The following ACTR3B variants were observed in gnomAD, a reference collection of about 807,000 sequenced individuals.
The protein encoded by ACTR3B is actin related protein 3B, also known as actin-related protein 3B.
Under a neutral mutation model 59.0 loss-of-function variants are expected in ACTR3B, and 8 were observed. That is an observed-to-expected ratio of 0.14 (90% CI 0.08 to 0.24). The LOEUF is 0.24. Among genes scored for constraint, ACTR3B ranks in the 10% least tolerant of loss-of-function variants. ACTR3B has a pLI of 1.00. For synonymous variants in ACTR3B, 148 were observed against 197.9 expected (o/e 0.75, Z 2.12); for missense variants, 245 against 552.3 (o/e 0.44, Z 5.58).
chr7:152,773,105 G>A (rs1371643138), intron 1 of ACTR3B, among the ~76,000 whole-genome samples: 1 of 151,232 alleles, frequency 6.6e-6, no homozygotes, highest in East Asian at 1.9e-4. Context: ...ATAGATTACA[G>A]AGTAAAAGGA....
At chr7:152,808,780 T>TA (rs751358923) in intron 4 of ACTR3B, among the ~76,000 whole-genome samples, 2 of 152,244 alleles carry the variant, frequency 1.3e-5, no homozygotes, top group African/African-American at 2.4e-5. Context: ...TGGGATGAGA[T>TA]ACAATATTGG....
At chr7:152,804,062 T>C (rs1055547022) in intron 4 of ACTR3B, among the ~76,000 whole-genome samples, 16 of 152,144 alleles carry the variant, frequency 1.1e-4, no homozygotes, top group African/African-American at 3.4e-4. Context: ...CACAGAATTA[T>C]CCTTTCTGAT....
intron 9 of ACTR3B, among the ~76,000 whole-genome samples, chr7:152,834,155 G>GTTTTTTTT (rs779609053): frequency 7.2e-6 from 1 of 138,308 alleles, no homozygotes; most frequent in Non-Finnish European, 1.6e-5. Flanking sequence ...CGCTGTTTTT[G>GTTTTTTTT]TTTTTTTTTT....
chr7:152,780,283 G>A (rs6951486), intron 1 of ACTR3B, among the ~76,000 whole-genome samples: 108,781 of 148,084 alleles, frequency 0.73, 40,136 homozygotes, highest in East Asian at 0.86. Flanking sequence ...ACAGAAAGGC[G>A]GAGGTTGCAG....
At chr7:152,852,027 C>A (rs1563161236) in intron 9 of ACTR3B, 99 bp from the exon 10 acceptor site, 2 of 1,527,306 alleles carry the variant, frequency 1.3e-6, no homozygotes, top group Non-Finnish European at 1.8e-6. Context: ...TGTGTCGTGC[C>A]CACAAGCGAT....
intron 9 of ACTR3B, among the ~76,000 whole-genome samples, chr7:152,829,464 A>G (rs535953215): frequency 1.8e-4 from 27 of 152,352 alleles, no homozygotes; most frequent in African/African-American, 6.0e-4. Flanking sequence ...GAAAGTAGCC[A>G]TCATCTGTCC....
chr7:152,829,057 T>TATATATACAC (rs1390377342), intron 9 of ACTR3B, among the ~76,000 whole-genome samples: 303 of 144,732 alleles, frequency 2.1e-3, no homozygotes, highest in Middle Eastern at 3.5e-3. Context: ...TATATATATA[T>TATATATACAC]ACACACACAC....
At chr7:152,820,763 A>G (rs1176023672) in intron 7 of ACTR3B, among the ~76,000 whole-genome samples, 1 of 152,244 alleles carries the variant, frequency 6.6e-6, no homozygotes, top group Non-Finnish European at 1.5e-5. Flanking sequence ...TACTGCCTCC[A>G]TGCTTCGCTG....
At chr7:152,828,727 C>T (rs1018445696) in intron 9 of ACTR3B, among the ~76,000 whole-genome samples, 14 of 152,080 alleles carry the variant, frequency 9.2e-5, no homozygotes, top group South Asian at 2.1e-4. Flanking sequence ...CCACTCTTGC[C>T]GGGTAAGACG....
chr7:152,830,713 T>G (rs1379632021), intron 9 of ACTR3B, among the ~76,000 whole-genome samples: 1 of 152,084 alleles, frequency 6.6e-6, no homozygotes, highest in Non-Finnish European at 1.5e-5. Context: ...CACTTGCAGC[T>G]AATTAAAAAT....
chr7:152,762,869 C>T (rs985365086), intron 1 of ACTR3B, among the ~76,000 whole-genome samples: 16 of 152,134 alleles, frequency 1.1e-4, no homozygotes, highest in Admixed American at 3.9e-4. Flanking sequence ...TCAGGACTAC[C>T]ACAGAAGTCC....
At chr7:152,829,647 G>A (rs1013457077) in intron 9 of ACTR3B, among the ~76,000 whole-genome samples, 4 of 152,094 alleles carry the variant, frequency 2.6e-5, no homozygotes, top group African/African-American at 9.7e-5. Context: ...AAAATGGACC[G>A]GAGTCTGGGT....
chr7:152,788,492 A>G (rs1376156736), intron 2 of ACTR3B, among the ~76,000 whole-genome samples: 1 of 150,860 alleles, frequency 6.6e-6, no homozygotes, highest in East Asian at 2.0e-4. Context: ...GCTCACTGCA[A>G]TATCCACCTC....
At chr7:152,846,026 T>C (rs1280045618) in intron 9 of ACTR3B, among the ~76,000 whole-genome samples, 1 of 152,276 alleles carries the variant, frequency 6.6e-6, no homozygotes, top group African/African-American at 2.4e-5. Context: ...GTATGTGTTT[T>C]AAAGTTCCCT....
chr7:152,851,032 C>T (rs974402995), intron 9 of ACTR3B, among the ~76,000 whole-genome samples: 1 of 152,198 alleles, frequency 6.6e-6, no homozygotes, highest in Non-Finnish European at 1.5e-5. Context: ...ACTAGTCCCC[C>T]TTGTCAGTGA....
intron 9 of ACTR3B, among the ~76,000 whole-genome samples, chr7:152,834,971 C>T (rs182519901): frequency 2.2e-4 from 34 of 152,074 alleles, no homozygotes; most frequent in African/African-American, 3.1e-4. Flanking sequence ...GACTGCTGAC[C>T]GCCAGAACGT....
In ACTR3B at chr7:152,759,945, C is replaced by A; in HGVS notation, c.44+19C>A. 7.3e-7 allele frequency: 1 copy of A among 1,361,194 alleles called. No individual in the cohort carries two copies. Among genetic ancestry groups the A allele is most frequent in the Admixed American group, 2.9e-5 (1 of 34,882 alleles). 84.3% of individuals were successfully genotyped at this position (1,361,194 alleles called of 1,614,324 possible). ...GCACCGGGTAAGAGCAGCTCGGCGC[C>A]CACCCCCGCTCCTCCGCGGCCCCGC... On this transcript the variant is annotated intron_variant, in intron 1 of 11. Transcript: ENST00000256001.
At chr7:152,798,161 T>C (rs1161722151) in intron 2 of ACTR3B, among the ~76,000 whole-genome samples, 1 of 152,194 alleles carries the variant, frequency 6.6e-6, no homozygotes, top group East Asian at 1.9e-4. Context: ...CTATAGTGTA[T>C]AAAGGTTCTC....
rs1404649322 is a variant in ACTR3B, at chr7:152,835,731, C to T, written c.951+10609C>T. The stretch of plus-strand genomic sequence containing the variant: ...GACTGCACCTCGGCGCTTTTTCCCA[C>T]GTCATTTTGCCCAGCCTTGCTTTAT... On this transcript the variant is annotated intron_variant, in intron 9 of 11. Transcript: ENST00000256001. 7.9e-5 allele frequency among the ~76,000 whole-genome samples: 12 copies of T among 152,316 alleles called. No homozygotes were observed. In the East Asian group the frequency reaches 1.5e-3, roughly 20 times the overall value.
Sources: gnomAD v4.1 joint callset for allele counts (sites outside exome capture counted in the v4.1 genomes callset) on GRCh38, gnomAD v4.1.1 for gene constraint, MANE v1.5 for transcripts, NCBI Gene and HGNC (gene_info 2026-07-23, HGNC 2026-07-21) for gene names.